Variants in LINGO2 observed in about 807,000 individuals in gnomAD.
LINGO2 encodes the protein leucine rich repeat and Ig domain containing 2.
LINGO2 carries 14 observed loss-of-function variants against 30.6 expected under a neutral mutation model. The ratio of observed to expected loss-of-function variants is 0.46; its 90% CI spans 0.30 to 0.72. LINGO2 has a LOEUF of 0.72. LINGO2 is among the 30% of genes least tolerant of loss of function. The pLI is 0.07. For missense variants in LINGO2, 729 were observed against 751.7 expected, an observed-to-expected ratio of 0.97 and a Z score of 0.35; for synonymous variants, 317 against 288.5, an observed-to-expected ratio of 1.10 and a Z score of -1.00.
At chr9:28,892,848 T>C in the LINGO2 span, among the ~76,000 whole-genome samples, 3 of 152,026 alleles carry the variant, frequency 2.0e-5, no homozygotes, top group Non-Finnish European at 4.4e-5. Flanking sequence ...ATGACGAAAA[T>C]GTTTAAAACT....
the LINGO2 span, among the ~76,000 whole-genome samples, chr9:28,967,847 A>G: frequency 2.0e-5 from 3 of 152,204 alleles, no homozygotes; most frequent in Admixed American, 2.0e-4. Context: ...CGAGAAAGAG[A>G]AAGAGAGAAG....
chr9:27,965,556 G>A (rs1391444733), intron 5 of LINGO2, among the ~76,000 whole-genome samples: 3 of 151,802 alleles, frequency 2.0e-5, no homozygotes, highest in Non-Finnish European at 4.4e-5. Context: ...GTATTCCAGC[G>A]ACTAGTGAAC....
In LINGO2 at chr9:28,356,423, G is replaced by C. The variant is rs115063103; in HGVS notation, c.-246+16413C>G. 5.4e-3 allele frequency among the ~76,000 whole-genome samples: 826 copies of C among 152,212 alleles called. 6 individuals carry two copies. The highest frequency in any genetic ancestry group is 0.019 in the African/African-American group (790 of 41,554). On this transcript the variant is annotated intron_variant, in intron 3 of 5. Transcript: ENST00000379992. ...GATATTGTTCTTTCTGGCAGCTACA[G>C]AAACTGTCTCTGGGAAAGTTGAATG...
chr9:28,039,807 G>A (rs1441170643), intron 4 of LINGO2, among the ~76,000 whole-genome samples: 2 of 152,126 alleles, frequency 1.3e-5, no homozygotes, highest in Admixed American at 1.3e-4. Context: ...AAATGCCAGT[G>A]CCTCCCTTAC....
At chr9:28,117,319 T>C (rs1826941816) in intron 4 of LINGO2, among the ~76,000 whole-genome samples, 1 of 146,744 alleles carries the variant, frequency 6.8e-6, no homozygotes, top group Non-Finnish European at 1.5e-5. Flanking sequence ...TTCAAAGCTG[T>C]CAGACAGGGA....
At chr9:28,398,413 C>T (rs1037464815) in intron 2 of LINGO2, among the ~76,000 whole-genome samples, 22 of 152,140 alleles carry the variant, frequency 1.4e-4, no homozygotes, top group African/African-American at 5.3e-4. Flanking sequence ...TAGTGATTTC[C>T]TTTCTTTGGT....
intron 5 of LINGO2, among the ~76,000 whole-genome samples, chr9:27,988,236 A>T (rs1821221089): frequency 6.6e-6 from 1 of 152,150 alleles, no homozygotes; most frequent in African/African-American, 2.4e-5. Context: ...CATTTTCTCA[A>T]TCCAGTCTAT....
intron 5 of LINGO2, among the ~76,000 whole-genome samples, chr9:27,993,208 C>A (rs1317658212): frequency 1.3e-5 from 2 of 151,960 alleles, no homozygotes; most frequent in African/African-American, 4.8e-5. Context: ...TGGTAATTTT[C>A]CCCCCTCTTT....
intron 1 of LINGO2, among the ~76,000 whole-genome samples, chr9:28,581,190 A>G (rs1197510349): frequency 6.6e-6 from 1 of 151,980 alleles, no homozygotes; most frequent in African/African-American, 2.4e-5. Context: ...TCCATCTAAT[A>G]TATTCCTAGA....
intron 4 of LINGO2, among the ~76,000 whole-genome samples, chr9:28,245,188 G>C (rs1453160885): frequency 2.0e-5 from 3 of 152,122 alleles, no homozygotes; most frequent in Non-Finnish European, 4.4e-5. Flanking sequence ...CACACAAACT[G>C]AACCAATGAT....
At chr9:28,637,581 C>A (rs1284636118) in intron 1 of LINGO2, among the ~76,000 whole-genome samples, 1 of 152,144 alleles carries the variant, frequency 6.6e-6, no homozygotes, top group Non-Finnish European at 1.5e-5. Flanking sequence ...CTCTTTGAAG[C>A]AATTGTGAAT....
At chr9:28,244,780 T>C (rs755342944) in intron 4 of LINGO2, among the ~76,000 whole-genome samples, 1 of 140,832 alleles carries the variant, frequency 7.1e-6, no homozygotes, top group Non-Finnish European at 1.5e-5. Context: ...CATAGACCAA[T>C]AACAAGTCCT....
intron 1 of LINGO2, among the ~76,000 whole-genome samples, chr9:28,499,385 T>A (rs976511598): frequency 6.6e-6 from 1 of 152,226 alleles, no homozygotes; most frequent in Non-Finnish European, 1.5e-5. Context: ...TGAGTGATCA[T>A]AGTTCCAGGA....
At chr9:28,597,165 G>A (rs1170407783) in intron 1 of LINGO2, among the ~76,000 whole-genome samples, 5 of 152,118 alleles carry the variant, frequency 3.3e-5, no homozygotes, top group Non-Finnish European at 7.4e-5. Flanking sequence ...GAAAGGGTGT[G>A]CCTGGGGACC....
intron 5 of LINGO2, among the ~76,000 whole-genome samples, chr9:27,990,129 T>G (rs1339600466): frequency 2.0e-5 from 3 of 152,054 alleles, no homozygotes; most frequent in African/African-American, 7.2e-5. Context: ...TTTTAACTGA[T>G]CTTTTTACAC....
chr9:28,277,655 A>T (rs548186927), intron 4 of LINGO2, among the ~76,000 whole-genome samples: 3 of 151,850 alleles, frequency 2.0e-5, no homozygotes, highest in African/African-American at 7.3e-5. Context: ...AACACACACA[A>T]AAAATTAGCT....
At chr9:28,428,145 C>T (rs931056382) in intron 2 of LINGO2, among the ~76,000 whole-genome samples, 11 of 152,032 alleles carry the variant, frequency 7.2e-5, no homozygotes, top group African/African-American at 2.7e-4. Flanking sequence ...CCAGTTATAG[C>T]CATGTATCAC....
the LINGO2 span, among the ~76,000 whole-genome samples, chr9:28,960,467 G>A: frequency 2.0e-5 from 3 of 151,358 alleles, no homozygotes; most frequent in East Asian, 3.9e-4. Context: ...GTCATATGAT[G>A]GAGCCAGCCT....
chr9:28,229,699 G>T (rs978209958), intron 4 of LINGO2, among the ~76,000 whole-genome samples: 2 of 151,742 alleles, frequency 1.3e-5, no homozygotes, highest in South Asian at 4.1e-4. Context: ...GAAATATATA[G>T]TTAGCAGGAA....
Sources: allele counts gnomAD v4.1 joint callset (sites outside exome capture counted in the v4.1 genomes callset), GRCh38; gene constraint gnomAD v4.1.1; transcripts MANE v1.5; gene names NCBI Gene and HGNC (gene_info 2026-07-23, HGNC 2026-07-21).